Variants in KLRC1 observed in about 807,000 individuals in gnomAD.
KLRC1 encodes NKG2-A/NKG2-B type II integral membrane protein.
KLRC1 carries 22 observed loss-of-function variants against 25.9 expected under a neutral mutation model. That is an observed-to-expected ratio of 0.85 (90% CI 0.61 to 1.21). The LOEUF (loss-of-function observed/expected upper bound fraction) is 1.21, where lower values mean the gene tolerates loss of function less well. Among genes scored for constraint, KLRC1 ranks in the 50% most tolerant of loss-of-function variants. The probability of loss-of-function intolerance (pLI) is 0.00; values close to 1 mark genes in which losing one functional copy is unlikely to be tolerated. For missense variants in KLRC1, 240 were observed against 272.2 expected, an observed-to-expected ratio of 0.88 and a Z score of 0.83; for synonymous variants, 77 against 93.1, an observed-to-expected ratio of 0.83 and a Z score of 0.99.
At position 10,446,659 on chromosome 12, in the gene KLRC1, T is replaced by C. The variant is rs1863992592; in HGVS notation, c.594A>G (p.Ile198Met). 2 of 1,613,814 alleles carry C rather than the reference T, an allele frequency of 1.2e-6. No individual in the cohort carries two copies. Among genetic ancestry groups the C allele is most frequent in the South Asian group, 1.1e-5 (1 of 91,070 alleles). The change falls in exon 7 of 7, where the codon ATA (isoleucine) becomes ATG (methionine). Residue 198 changes from isoleucine to methionine, a missense_variant. Transcript: ENST00000359151. Reference sequence around the variant, plus strand: ...TAAGTTCAGCATTATCTGAGTCTTTTATCCTGTAATGGAGAAAAATCCATA... The same window carrying C: ...TAAGTTCAGCATTATCTGAGTCTTTCATCCTGTAATGGAGAAAAATCCATA... The part of the protein sequence containing the change: ...TMNGLAFKHE[I>M]KDSDNAELNC...
upstream of KLRC1, among the ~76,000 whole-genome samples, chr12:10,453,787 A>G (rs770034057): frequency 6.6e-6 from 1 of 151,822 alleles, no homozygotes; most frequent in Non-Finnish European, 1.5e-5. Context: ...TTACTGCAGT[A>G]ATTACTCAAT....
chr12:10,447,409 C>G (rs1197745673), intron 6 of KLRC1, 123 bp downstream of exon 6: 1 of 854,192 alleles, frequency 1.2e-6, no homozygotes, highest in Middle Eastern at 3.3e-4. Context: ...TTTATGTCAG[C>G]ATTTCACTAA....
At position 10,449,910 on chromosome 12, in the gene KLRC1, A is replaced by T. The variant is rs139766707; in HGVS notation, c.337+4T>A. ...ATATTAAAACTTTAAAAATTATTATATACCTTTCTGAGTTCTTGTATTCAG... is the reference window on the plus strand; with the variant it reads ...ATATTAAAACTTTAAAAATTATTATTTACCTTTCTGAGTTCTTGTATTCAG... On this transcript the variant is annotated splice_donor_region_variant and intron_variant, in intron 4 of 6. Coordinates refer to ENST00000359151, the MANE Select transcript of KLRC1 (RefSeq NM_002259.5). 9.9e-4 allele frequency: 1,455 copies of T among 1,470,408 alleles called. 13 individuals carry two copies. In the African/African-American group the frequency reaches 0.018, roughly 18 times the overall value. 91.1% of individuals were successfully genotyped at this position (1,470,408 alleles called of 1,614,324 possible).
Position 10,446,616 on chromosome 12 carries a change from C to A in KLRC1, c.637G>T (p.Val213Leu). 1.9e-6 allele frequency: 3 copies of A among 1,613,966 alleles called. No homozygotes were observed. Among genetic ancestry groups the A allele is most frequent in the Non-Finnish European group, 2.5e-6 (3 of 1,179,924 alleles). ...CACTGGGCTGATTTAAGTCGATTTA[C>A]TTGTAGCACTGCACAGTTAAGTTCA... ...NAELNCAVLQ[V>L]NRLKSAQCGS... Residue 213 changes from valine (V) to leucine (L), a missense_variant, in exon 7 of 7, where the codon GTA becomes TTA. Physicochemically the swap from Val to Leu is conservative, Grantham distance 32. Coordinates refer to ENST00000359151, the MANE Select transcript of KLRC1 (RefSeq NM_002259.5).
At chr12:10,454,564 T>G (rs1864179156), upstream of KLRC1, 1 of 979,410 alleles carries the variant, frequency 1.0e-6, no homozygotes. Context: ...GATCAGTCCT[T>G]CACCCACAGA....
chr12:10,444,558 C>T (rs1037772631), downstream of KLRC1, among the ~76,000 whole-genome samples: 1 of 152,164 alleles, frequency 6.6e-6, no homozygotes, highest in Admixed American at 6.5e-5. Flanking sequence ...ATTTTCATTA[C>T]ATTTTAATGT....
chr12:10,449,009 G>A (rs1864061480), intron 5 of KLRC1, among the ~76,000 whole-genome samples: 1 of 152,132 alleles, frequency 6.6e-6, no homozygotes, highest in South Asian at 2.1e-4. Context: ...TGGATTGAAA[G>A]CATTTCTAGA....
At position 10,446,478 on chromosome 12, in the gene KLRC1, G is replaced by T. The variant is rs764488755; in HGVS notation, c.*73C>A. The T allele has an allele frequency of 2.0e-6, 3 of 1,486,284 alleles. No homozygotes were observed. The highest frequency in any genetic ancestry group is 2.7e-6 in the Non-Finnish European group (3 of 1,107,324). The allele number at this position is 1,486,284 out of a possible 1,614,324, so 92.1% of individuals were successfully genotyped here. ...TAACATAATTCATTTTAAGATTTAT[G>T]CAATCATAATATATTTCTATTTTAA... On this transcript the variant is annotated 3_prime_UTR_variant, in exon 7 of 7. Transcript: ENST00000359151.
upstream of KLRC1, among the ~76,000 whole-genome samples, chr12:10,453,564 ATTTT>A (rs35500295): frequency 6.7e-6 from 1 of 149,406 alleles, no homozygotes; most frequent in East Asian, 1.9e-4. Context: ...GCCTATGAGA[ATTTT>A]TTTTTTTTCT....
rs1864081932 is a variant in KLRC1 at position 10,449,760 on chromosome 12, T to C, written c.337+154A>G. On this transcript the variant is annotated intron_variant, in intron 4 of 6. Coordinates refer to ENST00000359151, the MANE Select transcript of KLRC1 (RefSeq NM_002259.5). The stretch of plus-strand genomic sequence containing the variant: ...AAAGAAAGCATAGTGATTTTACTTA[T>C]AGTTGATGACAAGTGAATGCCTTAC... 4.6e-5 allele frequency among the ~76,000 whole-genome samples: 7 copies of C among 152,200 alleles called. No homozygotes were observed. The South Asian group carries it at 1.4e-3, about 31-fold the overall frequency.
chr12:10,447,224 T>G (rs539164693), intron 6 of KLRC1: 92 of 221,378 alleles, frequency 4.2e-4, no homozygotes, highest in Middle Eastern at 1.8e-3. Context: ...TTTTTTTTCT[T>G]TTTTTTGCTC....
Position 10,450,972 on chromosome 12 carries a change from T to C in KLRC1, c.185A>G (p.Lys62Arg), listed in dbSNP as rs1459763456. Residue 62 changes from lysine (K) to arginine (R), a missense_variant and splice_region_variant, in exon 2 of 7, where the codon AAA (lysine) becomes AGA (arginine). Coordinates refer to ENST00000359151, the MANE Select transcript of KLRC1 (RefSeq NM_002259.5). The stretch of plus-strand genomic sequence containing the variant: ...TGAGGATCTTTTAAATGCTTTACCT[T>C]TGCAGTGATAGGTTTTGTCATTCCC... ...FQGNDKTYHC[K>R]DLPSAPEKLI... The C allele has an allele frequency of 6.2e-7, 1 of 1,606,724 alleles. No homozygotes were observed. The highest frequency in any genetic ancestry group is 8.5e-7 in the Non-Finnish European group (1 of 1,175,548).
intron 3 of KLRC1, chr12:10,450,253 T>C (rs1864093369): frequency 2.1e-6 from 1 of 467,980 alleles, no homozygotes; most frequent in Non-Finnish European, 3.7e-6. Context: ...TCCTAGAACA[T>C]ATTTTTGAGT....
Position 10,449,320 on chromosome 12 carries a change from C to T in KLRC1, c.406G>A (p.Glu136Lys), listed in dbSNP as rs372070161. 6.2e-7 allele frequency: 1 copy of T among 1,613,962 alleles called. No individual in the cohort carries two copies. Among genetic ancestry groups the T allele is most frequent in the South Asian group, 1.1e-5 (1 of 91,072 alleles). ...AAACTCTCTTCCCAAGTTCTTCTTT[C>T]CTTACCAATGTAGTAACAACTGTTG... ...YSNSCYYIGK[E>K]RRTWEESLLA... Residue 136 changes from glutamate (E) to lysine (K), a missense_variant, in exon 5 of 7, where the codon GAA becomes AAA. Coordinates refer to ENST00000359151, the MANE Select transcript of KLRC1 (RefSeq NM_002259.5).
At chr12:10,453,813 C>T (rs1864166926), upstream of KLRC1, among the ~76,000 whole-genome samples, 1 of 152,008 alleles carries the variant, frequency 6.6e-6, no homozygotes, top group Non-Finnish European at 1.5e-5. Flanking sequence ...GTAGCTGGCA[C>T]AAAAAGCATC....
chr12:10,453,644 T>A (rs1167113301), upstream of KLRC1, among the ~76,000 whole-genome samples: 1 of 152,154 alleles, frequency 6.6e-6, no homozygotes, highest in Non-Finnish European at 1.5e-5. Flanking sequence ...GGTTGCTAAA[T>A]CTTAACATTG....
chr12:10,449,100 GTCAA>G, intron 5 of KLRC1, 133 bp downstream of exon 5: 1 of 1,123,522 alleles, frequency 8.9e-7, no homozygotes, highest in Non-Finnish European at 1.3e-6. Flanking sequence ...ACATTATTAA[GTCAA>G]TCAATTAAAT....
At chr12:10,443,579 C>A (rs1188045194), downstream of KLRC1, among the ~76,000 whole-genome samples, 1 of 141,550 alleles carries the variant, frequency 7.1e-6, no homozygotes. Flanking sequence ...GGATTTTAAA[C>A]CCTTTTCTCT....
downstream of KLRC1, among the ~76,000 whole-genome samples, chr12:10,445,399 A>C (rs2137884602): frequency 6.6e-6 from 1 of 152,310 alleles, no homozygotes; most frequent in South Asian, 2.1e-4. Context: ...CTATTAGAAA[A>C]TAGGAATATT....
Sources: allele counts gnomAD v4.1 joint callset (sites outside exome capture counted in the v4.1 genomes callset), GRCh38; gene constraint gnomAD v4.1.1; transcripts MANE v1.5; gene names NCBI Gene and HGNC (gene_info 2026-07-23, HGNC 2026-07-21).